SLC1A3: variants seen among roughly 807,000 people sequenced by gnomAD.
The protein encoded by SLC1A3 is excitatory amino acid transporter 1.
In SLC1A3, 21 loss-of-function variants were observed where a neutral mutation model predicts 48.1. That is an observed-to-expected ratio of 0.44 (90% CI 0.31 to 0.63). The LOEUF is 0.63. SLC1A3 is among the 20% of genes least tolerant of loss of function. SLC1A3 has a pLI of 0.08. For synonymous variants in SLC1A3, 239 were observed against 251.4 expected, an observed-to-expected ratio of 0.95 and a Z score of 0.47; for missense variants, 546 against 689.0, an observed-to-expected ratio of 0.79 and a Z score of 2.32.
chr5:36,642,112 T>C (rs1240463165), intron 3 of SLC1A3, among the ~76,000 whole-genome samples: 2 of 152,224 alleles, frequency 1.3e-5, no homozygotes, highest in Non-Finnish European at 2.9e-5. Context: ...AAACCTTTTT[T>C]CTCCGAACTG....
In SLC1A3 at chr5:36,679,754, G is replaced by C. The variant is rs1742360064; in HGVS notation, c.988G>C (p.Val330Leu). The C allele has an allele frequency of 6.2e-7, 1 of 1,614,022 alleles. No individual in the cohort carries two copies. Among genetic ancestry groups the C allele is most frequent in the Non-Finnish European group, 8.5e-7 (1 of 1,180,010 alleles). The change falls in exon 7 of 10, where the codon GTC (valine) becomes CTC (leucine). Residue 330 changes from valine (V) to leucine (L), a missense_variant. Val to Leu is a conservative substitution (Grantham distance 32, BLOSUM62 1). This residue lies in a region of SLC1A3 where 142 missense variants were observed against 238.0 expected (regional missense o/e 0.60). Coordinates refer to ENST00000265113, the MANE Select transcript of SLC1A3 (RefSeq NM_004172.5). Reference protein sequence around the residue: ...TVIVGLLIHAVIVLPLLYFLV... With the variant: ...TVIVGLLIHALIVLPLLYFLV... ...CATTGTTGGCTTACTCATTCACGCA[G>C]TCATCGTCTTGCCACTCCTCTACTT...
At chr5:36,664,770 A>T (rs1293393940) in intron 3 of SLC1A3, among the ~76,000 whole-genome samples, 1 of 152,178 alleles carries the variant, frequency 6.6e-6, no homozygotes, top group African/African-American at 2.4e-5. Context: ...TTACTCATTC[A>T]TTCACCTGTT....
intron 3 of SLC1A3, among the ~76,000 whole-genome samples, chr5:36,645,985 G>T (rs1740825940): frequency 2.0e-5 from 3 of 152,110 alleles, no homozygotes; most frequent in Admixed American, 2.0e-4. Context: ...CATTGATATT[G>T]ATGTCTTCTT....
intron 2 of SLC1A3, among the ~76,000 whole-genome samples, chr5:36,625,576 G>A: frequency 6.6e-6 from 1 of 152,150 alleles, no homozygotes; most frequent in Admixed American, 6.5e-5. Flanking sequence ...CTTTCCCAGT[G>A]TAATCTCATC....
At chr5:36,617,237 C>T (rs528502848) in intron 2 of SLC1A3, among the ~76,000 whole-genome samples, 38 of 152,118 alleles carry the variant, frequency 2.5e-4, no homozygotes, top group Non-Finnish European at 2.9e-4. Flanking sequence ...CAATTAGTGA[C>T]TTTCCTCTCC....
intron 3 of SLC1A3, among the ~76,000 whole-genome samples, chr5:36,643,425 G>A (rs142610564): frequency 8.2e-4 from 125 of 152,286 alleles, no homozygotes; most frequent in African/African-American, 2.8e-3. Flanking sequence ...ATAATGTCAA[G>A]TATATTTTTA....
chr5:36,600,309 TA>T (rs541988158), intron 1 of SLC1A3, among the ~76,000 whole-genome samples: 2 of 151,922 alleles, frequency 1.3e-5, no homozygotes. Context: ...AACAAAGGGT[TA>T]AAAAAAATTG....
Position 36,686,325 on chromosome 5 carries a change from C to A in SLC1A3, c.*56C>A, listed in dbSNP as rs376922755. 6.8e-6 allele frequency: 9 copies of A among 1,332,974 alleles called. No individual in the cohort carries two copies. The East Asian group carries it at 1.4e-4, about 20-fold the overall frequency. The allele number at this position is 1,332,974 out of a possible 1,614,324, so 82.6% of individuals were successfully genotyped here. A position where few individuals can be genotyped will look rare whatever the true frequency, so the allele number is the denominator to read the frequency against. On this transcript the variant is annotated 3_prime_UTR_variant, in exon 10 of 10. Coordinates refer to ENST00000265113, the MANE Select transcript of SLC1A3 (RefSeq NM_004172.5). Reference sequence around the variant, plus strand: ...CAGGTGTTAAAAACCATTATAAAATCTTTCCATCTCATTACAGCTCATTCG... The same window carrying A: ...CAGGTGTTAAAAACCATTATAAAATATTTCCATCTCATTACAGCTCATTCG...
upstream of SLC1A3, chr5:36,606,397 A>C (rs1738940893): frequency 6.6e-6 from 1 of 152,242 alleles, no homozygotes; most frequent in African/African-American, 2.4e-5. Context: ...TTGCATTTCT[A>C]ATGACAGTGA....
chr5:36,632,240 T>A (rs1002893179), intron 3 of SLC1A3, among the ~76,000 whole-genome samples: 2 of 152,198 alleles, frequency 1.3e-5, no homozygotes, highest in Non-Finnish European at 2.9e-5. Context: ...AAATCTCAAA[T>A]TTTTTAAGAA....
rs182491163 is a variant in SLC1A3 at position 36,651,772 on chromosome 5, G to A, written c.320-19257G>A. ...CCATTTTGTTCAGCTCTCCATCCCT[G>A]GGGACAGACAGAAATCATCTTTCGA... On this transcript the variant is annotated intron_variant, in intron 3 of 9. Coordinates refer to ENST00000265113, the MANE Select transcript of SLC1A3 (RefSeq NM_004172.5). 1.8e-3 allele frequency among the ~76,000 whole-genome samples: 281 copies of A among 152,118 alleles called. 4 individuals carry two copies. The highest frequency in any genetic ancestry group is 6.6e-3 in the African/African-American group (274 of 41,470).
At chr5:36,627,942 G>T (rs1007852674) in intron 2 of SLC1A3, among the ~76,000 whole-genome samples, 2 of 152,106 alleles carry the variant, frequency 1.3e-5, no homozygotes, top group African/African-American at 4.8e-5. Flanking sequence ...CCCTCCTCCT[G>T]GGGTTGTTGC....
At chr5:36,657,602 C>T (rs1384225455) in intron 3 of SLC1A3, among the ~76,000 whole-genome samples, 4 of 152,228 alleles carry the variant, frequency 2.6e-5, no homozygotes, top group Non-Finnish European at 5.9e-5. Context: ...AAAAGGATGG[C>T]TTCCACTGCA....
At chr5:36,612,194 C>T (rs1739232322) in intron 2 of SLC1A3, among the ~76,000 whole-genome samples, 1 of 152,138 alleles carries the variant, frequency 6.6e-6, no homozygotes, top group Admixed American at 6.6e-5. Context: ...CTCACACACA[C>T]ACACATACAC....
At chr5:36,634,287 T>TAA (rs145940697) in intron 3 of SLC1A3, among the ~76,000 whole-genome samples, 2 of 149,882 alleles carry the variant, frequency 1.3e-5, no homozygotes, top group African/African-American at 5.0e-5. Context: ...AAAAAAGAAA[T>TAA]ATAAATAAAT....
chr5:36,614,015 C>T (rs1739324148), intron 2 of SLC1A3, among the ~76,000 whole-genome samples: 1 of 152,036 alleles, frequency 6.6e-6, no homozygotes, highest in African/African-American at 2.4e-5. Flanking sequence ...GACGGTGTAG[C>T]CCAGTAAGGT....
chr5:36,675,314 A>G (rs1364023821), intron 5 of SLC1A3, among the ~76,000 whole-genome samples: 1 of 152,168 alleles, frequency 6.6e-6, no homozygotes, highest in Non-Finnish European at 1.5e-5. Context: ...AACTATAACT[A>G]TAAATAATAA....
Position 36,674,707 on chromosome 5 carries a change from C to T in SLC1A3, c.567+616C>T, listed in dbSNP as rs183145630. On this transcript the variant is annotated intron_variant, in intron 5 of 9. Transcript: ENST00000265113. ...TATAAGACTCAAAGCAATTATGTAT[C>T]GTGCACAAATTCTCACAAGTAGTAA... Among the ~76,000 whole-genome samples the T allele has an allele frequency of 8.8e-4, 134 of 152,188 alleles. 1 individual carries two copies. The highest frequency in any genetic ancestry group is 4.4e-5 in the Non-Finnish European group (3 of 68,006).
At chr5:36,633,021 C>T (rs962577063) in intron 3 of SLC1A3, among the ~76,000 whole-genome samples, 9 of 152,206 alleles carry the variant, frequency 5.9e-5, no homozygotes, top group African/African-American at 1.9e-4. Flanking sequence ...TGTGCCAACA[C>T]ACCACACAAT....
Sources: gnomAD v4.1 joint callset for allele counts (sites outside exome capture counted in the v4.1 genomes callset) on GRCh38, gnomAD v4.1.1 for gene constraint, gnomAD v4.1.1 regional missense constraint, MANE v1.5 for transcripts, NCBI Gene and HGNC (gene_info 2026-07-23, HGNC 2026-07-21) for gene names.